PATJ: variants seen among roughly 807,000 people sequenced by gnomAD.
PATJ encodes the protein PATJ crumbs cell polarity complex component.
In PATJ, 190 loss-of-function variants were observed where a neutral mutation model predicts 224.9. The ratio of observed to expected loss-of-function variants is 0.84; its 90% confidence interval spans 0.75 to 0.95. The LOEUF is 0.95. PATJ is among the 40% of genes least tolerant of loss of function. The probability of loss-of-function intolerance (pLI) is 0.00; values close to 1 mark genes in which losing one functional copy is unlikely to be tolerated. For synonymous variants in PATJ, 769 were observed against 820.3 expected (o/e 0.94, Z 1.07); for missense variants, 2,121 against 2,270.3 (o/e 0.93, Z 1.34).
In PATJ at chr1:61,856,188, G is replaced by A. The variant is rs1663632532; in HGVS notation, c.2271G>A (p.Leu757=). 2.5e-6 allele frequency: 4 copies of A among 1,614,172 alleles called. No individual in the cohort carries two copies. The highest frequency in any genetic ancestry group is 2.5e-6 in the Non-Finnish European group (3 of 1,180,008). ...CACTTGCTGAAGCTGTGGAAATATTGAAAGCTGTGCCACCAGGCCTAGTAC... is the reference window on the plus strand; with the variant it reads ...CACTTGCTGAAGCTGTGGAAATATTAAAAGCTGTGCCACCAGGCCTAGTAC... ...NTSLAEAVEI[L]KAVPPGLVHL... is the part of the protein sequence containing the mutation. Residue 757 remains leucine, a synonymous_variant, in exon 18 of 44, where the codon TTG becomes TTA. Coordinates refer to ENST00000642238, the MANE Select transcript of PATJ (RefSeq NM_001350145.3).
intron 27 of PATJ, among the ~76,000 whole-genome samples, chr1:61,942,405 A>C (rs1026806536): frequency 3.3e-5 from 5 of 152,184 alleles, no homozygotes; most frequent in African/African-American, 1.2e-4. Flanking sequence ...CAATATCATT[A>C]GTTATTAGGG....
At chr1:61,849,882 T>C (rs939170218) in intron 17 of PATJ, among the ~76,000 whole-genome samples, 6 of 152,330 alleles carry the variant, frequency 3.9e-5, no homozygotes, top group Non-Finnish European at 1.5e-5. Context: ...CACCTTGTGT[T>C]TCTTTATTGG....
In PATJ at chr1:61,833,792, G is replaced by T. The variant is rs200785956; in HGVS notation, c.2112+7G>T. On this transcript the variant is annotated splice_region_variant and intron_variant, in intron 17 of 43. Transcript: ENST00000642238. ...CAGCATTTTGGATTACCAGGTATAAGAACCTGTGTAGAGGTGTTTTCTTTG... is the reference window on the plus strand; with the variant it reads ...CAGCATTTTGGATTACCAGGTATAATAACCTGTGTAGAGGTGTTTTCTTTG... 1.2e-6 allele frequency: 2 copies of T among 1,612,192 alleles called. No homozygotes were observed. The highest frequency in any genetic ancestry group is 1.7e-6 in the Non-Finnish European group (2 of 1,178,992).
chr1:61,831,124 GT>G (rs1659235766), intron 16 of PATJ, among the ~76,000 whole-genome samples: 1 of 150,092 alleles, frequency 6.7e-6, no homozygotes, highest in Admixed American at 6.7e-5. Flanking sequence ...AGAGGTGGAG[GT>G]TGCAGTGAGC....
chr1:61,814,401 C>T (rs1655611054), intron 14 of PATJ, among the ~76,000 whole-genome samples: 1 of 152,086 alleles, frequency 6.6e-6, no homozygotes, highest in African/African-American at 2.4e-5. Context: ...CCTTGGCCTC[C>T]CAAAGTGCTG....
At chr1:61,943,235 C>T (rs553285112) in intron 27 of PATJ, among the ~76,000 whole-genome samples, 10 of 152,254 alleles carry the variant, frequency 6.6e-5, no homozygotes, top group East Asian at 5.8e-4. Flanking sequence ...ACTGTGGTAC[C>T]GGGTTCATCT....
intron 20 of PATJ, among the ~76,000 whole-genome samples, chr1:61,874,570 C>A (rs1239040615): frequency 1.3e-5 from 2 of 152,196 alleles, no homozygotes; most frequent in Non-Finnish European, 2.9e-5. Flanking sequence ...TATCACCCCA[C>A]AAAAGTCCCC....
At chr1:61,780,464 C>CA (rs1268822588) in intron 7 of PATJ, among the ~76,000 whole-genome samples, 1 of 151,996 alleles carries the variant, frequency 6.6e-6, no homozygotes, top group Non-Finnish European at 1.5e-5. Context: ...GACTCTTTCT[C>CA]AAAACAAACA....
At chr1:62,122,682 G>T (rs1041676061) in intron 38 of PATJ, among the ~76,000 whole-genome samples, 4 of 152,028 alleles carry the variant, frequency 2.6e-5, no homozygotes, top group Non-Finnish European at 5.9e-5. Flanking sequence ...AAAATTAGCC[G>T]GGCGTGGTGG....
At chr1:61,820,930 A>T (rs1570706400) in intron 14 of PATJ, among the ~76,000 whole-genome samples, 1 of 152,300 alleles carries the variant, frequency 6.6e-6, no homozygotes. Context: ...GCTACATGAC[A>T]CTAATATCTC....
chr1:62,133,358 G>A (rs950820715), intron 41 of PATJ, among the ~76,000 whole-genome samples: 3 of 152,168 alleles, frequency 2.0e-5, no homozygotes, highest in African/African-American at 7.2e-5. Flanking sequence ...AAGGCAGGTG[G>A]ATCACCTGAG....
At chr1:62,123,618 C>T (rs1388303055) in intron 39 of PATJ, among the ~76,000 whole-genome samples, 3 of 151,316 alleles carry the variant, frequency 2.0e-5, no homozygotes, top group African/African-American at 7.3e-5. Context: ...CCTGGGACTA[C>T]AGGCGCCTGC....
intron 26 of PATJ, among the ~76,000 whole-genome samples, chr1:61,919,863 T>C (rs1302696348): frequency 6.6e-6 from 1 of 152,174 alleles, no homozygotes; most frequent in African/African-American, 2.4e-5. Flanking sequence ...TTCTTTGACA[T>C]TGGTTGAGAC....
intron 28 of PATJ, among the ~76,000 whole-genome samples, chr1:61,991,273 G>A (rs1645049288): frequency 6.6e-6 from 1 of 152,166 alleles, no homozygotes; most frequent in African/African-American, 2.4e-5. Context: ...TTTTACTGGT[G>A]AGATCACAAA....
chr1:62,063,664 T>C (rs1323709424), intron 31 of PATJ, among the ~76,000 whole-genome samples: 3 of 152,232 alleles, frequency 2.0e-5, no homozygotes, highest in Admixed American at 2.0e-4. Context: ...CATTTGTTTG[T>C]GTCATCTCTG....
At chr1:62,126,039 G>A (rs1401410047) in intron 39 of PATJ, among the ~76,000 whole-genome samples, 1 of 152,196 alleles carries the variant, frequency 6.6e-6, no homozygotes, top group African/African-American at 2.4e-5. Flanking sequence ...CCAAAATGCT[G>A]GGATTACAGG....
At chr1:62,121,644 C>T (rs1003493152) in intron 38 of PATJ, among the ~76,000 whole-genome samples, 3 of 152,022 alleles carry the variant, frequency 2.0e-5, no homozygotes, top group African/African-American at 7.3e-5. Flanking sequence ...TGGCATACGC[C>T]TGTAGTCCCA....
chr1:62,100,245 C>G (rs1216201079), intron 33 of PATJ: 12 of 611,938 alleles, frequency 2.0e-5, no homozygotes, highest in Non-Finnish European at 3.7e-5. Flanking sequence ...GTGTCTTACT[C>G]CATTTTCTGC....
chr1:61,753,390 A>C (rs1645439330), intron 1 of PATJ, among the ~76,000 whole-genome samples: 1 of 152,028 alleles, frequency 6.6e-6, no homozygotes, highest in African/African-American at 2.4e-5. Flanking sequence ...TTCTCCCCAA[A>C]TTTCAGGTTA....
Sources: allele counts gnomAD v4.1 joint callset (sites outside exome capture counted in the v4.1 genomes callset), GRCh38; gene constraint gnomAD v4.1.1; transcripts MANE v1.5; gene names NCBI Gene and HGNC (gene_info 2026-07-23, HGNC 2026-07-21).